Variants in HCFC2 observed in about 807,000 individuals in gnomAD.
HCFC2 encodes the protein host cell factor C2.
Under a neutral mutation model 89.2 loss-of-function variants are expected in HCFC2, and 18 were observed. The ratio of observed to expected loss-of-function variants is 0.20; its 90% CI spans 0.14 to 0.30. HCFC2 has a LOEUF of 0.30. HCFC2 is among the 10% of genes least tolerant of loss of function. The pLI, the probability that HCFC2 is intolerant of heterozygous loss-of-function variation, is 1.00. For synonymous variants in HCFC2, 308 were observed against 335.7 expected, an observed-to-expected ratio of 0.92 and a Z score of 0.90; for missense variants, 578 against 956.1, an observed-to-expected ratio of 0.60 and a Z score of 5.21.
chr12:104,079,770 C>T (rs1883623381), intron 4 of HCFC2, 117 bp downstream of exon 4: 2 of 753,268 alleles, frequency 2.7e-6, no homozygotes, highest in Non-Finnish European at 4.5e-6. Flanking sequence ...CACTTGTAGC[C>T]CCAGGGACAG....
At position 104,093,091 on chromosome 12, in the gene HCFC2, G is replaced by C. The variant is rs372310430; in HGVS notation, c.1285-295G>C. On this transcript the variant is annotated intron_variant, in intron 9 of 14. Coordinates refer to ENST00000229330, the MANE Select transcript of HCFC2 (RefSeq NM_013320.3). ...TCTCTCCTGTGTTATATATGTATTT[G>C]CTTGTGATACTAGCTATCACTTACT... Among the ~76,000 whole-genome samples, 5 of 152,146 alleles carry C rather than the reference G, an allele frequency of 3.3e-5. No homozygotes were observed. In the East Asian group the frequency reaches 5.8e-4, roughly 18 times the overall value.
At chr12:104,085,617 T>TA (rs1297511322) in intron 7 of HCFC2, among the ~76,000 whole-genome samples, 2 of 152,166 alleles carry the variant, frequency 1.3e-5, no homozygotes, top group Non-Finnish European at 2.9e-5. Context: ...TAATCATGGC[T>TA]ATGATCATAA....
At chr12:104,074,618 A>G (rs541395167) in intron 3 of HCFC2, among the ~76,000 whole-genome samples, 11 of 152,332 alleles carry the variant, frequency 7.2e-5, no homozygotes, top group African/African-American at 2.6e-4. Context: ...GAGGTTCTGA[A>G]ATATGAGCCA....
chr12:104,086,097 A>T (rs1450345208), intron 7 of HCFC2, among the ~76,000 whole-genome samples: 1 of 149,664 alleles, frequency 6.7e-6, no homozygotes, highest in Non-Finnish European at 1.5e-5. Context: ...TCCCAGATTC[A>T]AGTGATTCTT....
intron 3 of HCFC2, among the ~76,000 whole-genome samples, chr12:104,073,532 T>C (rs778437894): frequency 1.9e-4 from 29 of 152,196 alleles, no homozygotes; most frequent in Non-Finnish European, 3.7e-4. Context: ...CTTCTATGGC[T>C]TTCTGGTTTT....
rs2030073363 is a variant in HCFC2 at position 104,105,888 on chromosome 12, G to C, written c.*2615G>C. The C allele has an allele frequency of 6.6e-6, 1 of 152,016 alleles. No homozygotes were observed. The highest frequency in any genetic ancestry group is 1.5e-5 in the Non-Finnish European group (1 of 67,942). The allele number at this position is 152,016 out of a possible 1,614,324, so 9.4% of individuals were successfully genotyped here. On this transcript the variant is annotated 3_prime_UTR_variant, in exon 15 of 15. Coordinates refer to ENST00000229330, the MANE Select transcript of HCFC2 (RefSeq NM_013320.3). Reference sequence around the variant, plus strand: ...TAAATGACTTTCTTTACTCTTCCCAGTCAGGTAAGCAGTTCAAATATAACA... The same window carrying C: ...TAAATGACTTTCTTTACTCTTCCCACTCAGGTAAGCAGTTCAAATATAACA...
chr12:104,088,520 T>C (rs192422341), intron 9 of HCFC2, among the ~76,000 whole-genome samples: 234 of 152,358 alleles, frequency 1.5e-3, no homozygotes, highest in African/African-American at 5.6e-3. Context: ...TGAGGTTCTT[T>C]CTTGTTTATG....
At chr12:104,065,528 G>A (rs749203136) in intron 1 of HCFC2, among the ~76,000 whole-genome samples, 3 of 152,178 alleles carry the variant, frequency 2.0e-5, no homozygotes, top group East Asian at 1.9e-4. Flanking sequence ...CTTCATGACC[G>A]ATAACTTTTC....
Position 104,073,405 on chromosome 12 carries a change from C to T in HCFC2, c.473+5298C>T, listed in dbSNP as rs190045056. Among the ~76,000 whole-genome samples the T allele has an allele frequency of 4.1e-3, 630 of 152,002 alleles. 3 individuals are homozygous for T. The highest frequency in any genetic ancestry group is 0.014 in the African/African-American group (584 of 41,462). On this transcript the variant is annotated intron_variant, in intron 3 of 14. Transcript: ENST00000229330. ...GTCTCGAACTCCTGACCTCATGATC[C>T]GCCCGCCTCAGCCTCCCAAAGTGCT...
intron 12 of HCFC2, chr12:104,097,999 G>A (rs191607072): frequency 1.5e-4 from 25 of 171,744 alleles, no homozygotes; most frequent in Admixed American, 4.4e-4. Context: ...GTAATGTTAC[G>A]CTAAAGGAAT....
chr12:104,100,884 G>GA (rs2029918141), intron 13 of HCFC2, among the ~76,000 whole-genome samples: 1 of 152,014 alleles, frequency 6.6e-6, no homozygotes, highest in African/African-American at 2.4e-5. Flanking sequence ...TTTCCTAAAA[G>GA]AAAAAAATAG....
At chr12:104,089,217 T>C (rs1345751280) in intron 9 of HCFC2, among the ~76,000 whole-genome samples, 1 of 152,102 alleles carries the variant, frequency 6.6e-6, no homozygotes. Context: ...CTGTATTTAT[T>C]AAAAATAATC....
intron 12 of HCFC2, 76 bp from the exon 13 acceptor site, chr12:104,098,267 C>T: frequency 8.5e-7 from 1 of 1,180,248 alleles, no homozygotes. Context: ...TAGATCACTG[C>T]ATGGACTTAT....
intron 3 of HCFC2, among the ~76,000 whole-genome samples, chr12:104,070,262 T>G (rs967962940): frequency 7.2e-6 from 1 of 138,242 alleles, no homozygotes. Flanking sequence ...TCTCCTGACC[T>G]CGTGATCTGC....
chr12:104,081,117 C>G (rs1394698766), intron 5 of HCFC2, among the ~76,000 whole-genome samples: 1 of 152,178 alleles, frequency 6.6e-6, no homozygotes, highest in Non-Finnish European at 1.5e-5. Flanking sequence ...ACCTAACTCA[C>G]TTTTCCTTTT....
At chr12:104,082,955 G>A (rs1055734551) in intron 7 of HCFC2, 54 bp downstream of exon 7, 1 of 1,344,482 alleles carries the variant, frequency 7.4e-7, no homozygotes, top group Non-Finnish European at 1.0e-6. Flanking sequence ...GCACTCAAAT[G>A]TCTGCCTTTT....
chr12:104,087,370 TTCACACAC>T (rs1244140650), intron 8 of HCFC2, among the ~76,000 whole-genome samples: 3 of 145,034 alleles, frequency 2.1e-5, no homozygotes, highest in Non-Finnish European at 4.5e-5. Context: ...AAAAAAAAAA[TTCACACAC>T]ACACGCACAC....
chr12:104,085,750 A>G (rs1270697017), intron 7 of HCFC2, among the ~76,000 whole-genome samples: 1 of 150,448 alleles, frequency 6.6e-6, no homozygotes, highest in Non-Finnish European at 1.5e-5. Flanking sequence ...ATTTGATAGC[A>G]TGTAAAAGAG....
At position 104,065,620 on chromosome 12, in the gene HCFC2, TCTC is replaced by T. The variant is rs541663212; in HGVS notation, c.164-539_164-537del. Among the ~76,000 whole-genome samples the T allele has an allele frequency of 4.6e-5, 7 of 152,202 alleles. No homozygotes were observed. In the South Asian group the frequency reaches 1.5e-3, roughly 32 times the overall value. ...CTGAGAAGTTTTATTTTTTTCACCC[TCTC>T]CTCCTCCCAGCGCCCCAGCATATGA... On this transcript the variant is annotated intron_variant, in intron 1 of 14. Transcript: ENST00000229330.
Sources: gnomAD v4.1 joint callset for allele counts (sites outside exome capture counted in the v4.1 genomes callset) on GRCh38, gnomAD v4.1.1 for gene constraint, MANE v1.5 for transcripts, NCBI Gene and HGNC (gene_info 2026-07-23, HGNC 2026-07-21) for gene names.